The following KIAA1217 variants were observed in gnomAD, a reference collection of about 807,000 sequenced individuals.
KIAA1217 encodes the protein sickle tail protein homolog.
A neutral mutation model predicts 163.9 loss-of-function variants in KIAA1217; 88 were observed. The ratio of observed to expected loss-of-function variants is 0.54; its 90% CI spans 0.45 to 0.64. The LOEUF (loss-of-function observed/expected upper bound fraction) is 0.64, where lower values mean the gene tolerates loss of function less well. Ranked by LOEUF, KIAA1217 falls within the 30% of genes least tolerant of loss-of-function variation. The pLI, the probability that KIAA1217 is intolerant of heterozygous loss-of-function variation, is 0.00. For missense variants in KIAA1217, 2,372 were observed against 2,475.0 expected, an observed-to-expected ratio of 0.96 and a Z score of 0.88; for synonymous variants, 903 against 923.1, an observed-to-expected ratio of 0.98 and a Z score of 0.39.
In KIAA1217 at chr10:24,282,820, CTTCTTTTTTTTTTTTTTT is replaced by C. The variant is rs796307303; in HGVS notation, c.354+62914_354+62931del. Among the ~76,000 whole-genome samples the C allele has an allele frequency of 6.0e-3, 713 of 117,978 alleles. 8 individuals carry two copies. The highest frequency in any genetic ancestry group is 0.021 in the African/African-American group (651 of 31,666). The allele number at this position is 117,978 out of a possible 152,430, so 77.4% of individuals were successfully genotyped here. A position where few individuals can be genotyped will look rare whatever the true frequency, so the allele number is the denominator to read the frequency against. On this transcript the variant is annotated intron_variant, in intron 2 of 20. Coordinates refer to ENST00000376454, the MANE Select transcript of KIAA1217 (RefSeq NM_019590.5). ...TGTGTTCTTTGCTACTGAGGTGTTG[CTTCTTTTTTTTTTTTTTT>C]TTTTTTTTTTTTCAGACGGAGTTTC... is the stretch of plus-strand genomic sequence containing the variant.
intron 1 of KIAA1217, among the ~76,000 whole-genome samples, chr10:23,796,826 G>T (rs1836230844): frequency 6.6e-6 from 1 of 151,962 alleles, no homozygotes; most frequent in African/African-American, 2.4e-5. Flanking sequence ...TGACTTTAGT[G>T]CTTTTTAAGA....
intron 2 of KIAA1217, among the ~76,000 whole-genome samples, chr10:24,011,944 A>G (rs944030179): frequency 1.3e-5 from 2 of 152,190 alleles, no homozygotes; most frequent in Admixed American, 1.3e-4. Flanking sequence ...TCCTTCCCCA[A>G]TATCCAATGG....
At chr10:24,318,861 T>G (rs1382234812) in intron 2 of KIAA1217, among the ~76,000 whole-genome samples, 2 of 152,234 alleles carry the variant, frequency 1.3e-5, no homozygotes, top group African/African-American at 4.8e-5. Flanking sequence ...TAGCCCAGTG[T>G]GTAACAAGTA....
intron 1 of KIAA1217, among the ~76,000 whole-genome samples, chr10:23,915,196 G>A (rs368127018): frequency 3.9e-5 from 6 of 152,124 alleles, no homozygotes; most frequent in East Asian, 1.9e-4. Context: ...CAGAACAAGC[G>A]GTCAATGCTA....
At chr10:23,830,438 T>C (rs964892169) in intron 1 of KIAA1217, among the ~76,000 whole-genome samples, 1 of 152,088 alleles carries the variant, frequency 6.6e-6, no homozygotes, top group Non-Finnish European at 1.5e-5. Context: ...AATTTAATAG[T>C]AGAATTTTTG....
chr10:24,493,825 T>G (rs11819150), intron 6 of KIAA1217, among the ~76,000 whole-genome samples: 127 of 152,330 alleles, frequency 8.3e-4, no homozygotes, highest in Non-Finnish European at 1.4e-3. Flanking sequence ...TGTAGTTCAC[T>G]GGTGCAATCT....
At chr10:24,012,131 G>A (rs1847260444) in intron 2 of KIAA1217, among the ~76,000 whole-genome samples, 1 of 152,152 alleles carries the variant, frequency 6.6e-6, no homozygotes, top group Non-Finnish European at 1.5e-5. Context: ...CTGTAGACAG[G>A]TGGTGCTGGT....
At chr10:24,245,019 A>G (rs2073613841) in intron 2 of KIAA1217, among the ~76,000 whole-genome samples, 1 of 152,172 alleles carries the variant, frequency 6.6e-6, no homozygotes, top group Non-Finnish European at 1.5e-5. Context: ...GAGCTCTTAT[A>G]GAAAAGGAAT....
At chr10:23,951,646 A>C (rs1359196168) in intron 1 of KIAA1217, among the ~76,000 whole-genome samples, 1 of 152,060 alleles carries the variant, frequency 6.6e-6, no homozygotes, top group African/African-American at 2.4e-5. Flanking sequence ...GCAAGCAAGC[A>C]AGCAAGCAAG....
At chr10:24,059,000 T>G (rs777931315) in intron 2 of KIAA1217, among the ~76,000 whole-genome samples, 72 of 152,316 alleles carry the variant, frequency 4.7e-4, no homozygotes, top group Admixed American at 1.7e-3. Flanking sequence ...CCATTGAGTA[T>G]GATGTTAGCC....
At chr10:24,483,792 A>G (rs1377056104) in intron 6 of KIAA1217, among the ~76,000 whole-genome samples, 1 of 152,234 alleles carries the variant, frequency 6.6e-6, no homozygotes, top group Non-Finnish European at 1.5e-5. Flanking sequence ...TGTCAATTCC[A>G]GAACACAAAT....
chr10:24,059,856 C>T (rs1406716740), intron 2 of KIAA1217, among the ~76,000 whole-genome samples: 3 of 152,170 alleles, frequency 2.0e-5, no homozygotes, highest in African/African-American at 4.8e-5. Flanking sequence ...TGAGCCACTG[C>T]GCCTGGCCTC....
intron 5 of KIAA1217, among the ~76,000 whole-genome samples, chr10:24,442,989 C>A (rs2060625714): frequency 6.7e-6 from 1 of 148,452 alleles, no homozygotes; most frequent in African/African-American, 2.5e-5. Flanking sequence ...CGGCTCATTG[C>A]AACCTCTGCC....
chr10:23,980,128 TC>T (rs1253816455), intron 1 of KIAA1217, among the ~76,000 whole-genome samples: 1 of 152,178 alleles, frequency 6.6e-6, no homozygotes, highest in African/African-American at 2.4e-5. Context: ...GATCCTTTCC[TC>T]CTGCTGTTTG....
intron 2 of KIAA1217, among the ~76,000 whole-genome samples, chr10:24,135,861 C>T (rs781086948): frequency 3.3e-5 from 5 of 152,128 alleles, no homozygotes; most frequent in Non-Finnish European, 5.9e-5. Flanking sequence ...TCTCATCTAT[C>T]CAAAATTCAG....
At chr10:23,852,740 A>T (rs1421031523) in intron 1 of KIAA1217, among the ~76,000 whole-genome samples, 1 of 152,068 alleles carries the variant, frequency 6.6e-6, no homozygotes, top group Non-Finnish European at 1.5e-5. Context: ...CGTCCCTTGT[A>T]AGTTGGATTC....
intron 2 of KIAA1217, among the ~76,000 whole-genome samples, chr10:24,355,938 G>A (rs2049050423): frequency 6.6e-6 from 1 of 150,882 alleles, no homozygotes; most frequent in East Asian, 2.0e-4. Flanking sequence ...TAGTAGAGAC[G>A]GGATTTCACT....
intron 14 of KIAA1217, among the ~76,000 whole-genome samples, chr10:24,530,890 T>A (rs1275331482): frequency 6.6e-6 from 1 of 151,992 alleles, no homozygotes; most frequent in East Asian, 1.9e-4. Flanking sequence ...AGCAATACCC[T>A]GTCTCAAAAA....
intron 2 of KIAA1217, among the ~76,000 whole-genome samples, chr10:24,366,623 T>G (rs999080724): frequency 6.6e-6 from 1 of 151,472 alleles, no homozygotes; most frequent in African/African-American, 2.4e-5. Flanking sequence ...TGTATTCACC[T>G]TGGGTGTGCC....
Sources: allele counts gnomAD v4.1 joint callset (sites outside exome capture counted in the v4.1 genomes callset), GRCh38; gene constraint gnomAD v4.1.1; transcripts MANE v1.5; gene names NCBI Gene and HGNC (gene_info 2026-07-23, HGNC 2026-07-21).